Variants in SPAG16 observed in about 807,000 individuals in gnomAD.
SPAG16 encodes sperm-associated antigen 16 protein.
SPAG16 carries 86 observed loss-of-function variants against 80.4 expected under a neutral mutation model. The ratio of observed to expected loss-of-function variants is 1.07; its 90% CI spans 0.90 to 1.28. The LOEUF (loss-of-function observed/expected upper bound fraction) is 1.28, where lower values mean the gene tolerates loss of function less well. SPAG16 is among the 50% of genes most tolerant of loss of function. SPAG16 has a pLI of 0.00. For synonymous variants in SPAG16, 294 were observed against 265.9 expected (o/e 1.11, Z -1.03); for missense variants, 870 against 765.3 (o/e 1.14, Z -1.61).
chr2:213,857,129 C>G (rs2075209425), intron 10 of SPAG16, among the ~76,000 whole-genome samples: 1 of 152,152 alleles, frequency 6.6e-6, no homozygotes. Context: ...ACTCAGGAGG[C>G]TGAAGCTGGA....
chr2:214,100,894 C>G (rs1245522089), intron 13 of SPAG16, among the ~76,000 whole-genome samples: 2 of 151,844 alleles, frequency 1.3e-5, no homozygotes, highest in African/African-American at 4.8e-5. Flanking sequence ...ATTTTAAAAT[C>G]TAGCCTTGGA....
chr2:213,773,908 T>C (rs536435661), intron 10 of SPAG16, among the ~76,000 whole-genome samples: 2 of 152,184 alleles, frequency 1.3e-5, no homozygotes, highest in African/African-American at 4.8e-5. Context: ...TATCTGGTCC[T>C]CAAATAATCC....
chr2:213,285,857 TAAC>T, intron 1 of SPAG16: 1 of 1,285,958 alleles, frequency 7.8e-7, no homozygotes, highest in African/African-American at 1.5e-5. Context: ...TATTCCTCTT[TAAC>T]AACGATTTTC....
At chr2:213,967,927 A>G (rs1054956837) in intron 12 of SPAG16, among the ~76,000 whole-genome samples, 2 of 152,134 alleles carry the variant, frequency 1.3e-5, no homozygotes, top group African/African-American at 4.8e-5. Context: ...CTTTTACGAT[A>G]TCAGTGATTG....
At chr2:214,333,605 T>C (rs559955401) in intron 15 of SPAG16, among the ~76,000 whole-genome samples, 6 of 152,194 alleles carry the variant, frequency 3.9e-5, no homozygotes, top group Non-Finnish European at 5.9e-5. Flanking sequence ...CTCAACACTT[T>C]GATGAATGGA....
intron 15 of SPAG16, among the ~76,000 whole-genome samples, chr2:214,393,718 G>A (rs1307852150): frequency 1.3e-5 from 2 of 151,972 alleles, no homozygotes; most frequent in Non-Finnish European, 2.9e-5. Context: ...CACTCATAAT[G>A]TGAAATTGGA....
chr2:213,982,252 T>A (rs1242488447), intron 12 of SPAG16, among the ~76,000 whole-genome samples: 1 of 152,084 alleles, frequency 6.6e-6, no homozygotes, highest in Non-Finnish European at 1.5e-5. Context: ...GCCCATGTAT[T>A]TGGATACATT....
Position 213,581,701 on chromosome 2 carries a change from C to G in SPAG16, c.1070+91611C>G, listed in dbSNP as rs545514931. Among the ~76,000 whole-genome samples the G allele has an allele frequency of 6.2e-4, 95 of 152,156 alleles. 1 individual carries two copies. Among genetic ancestry groups the G allele is most frequent in the Non-Finnish European group, 1.1e-3 (77 of 67,962 alleles). The stretch of plus-strand genomic sequence containing the variant: ...TGAAGGTAGCTAAAAAGGAGCCTTT[C>G]ACTATTCCTCTTGATTTGGTGATGT... On this transcript the variant is annotated intron_variant, in intron 10 of 15. Coordinates refer to ENST00000331683, the MANE Select transcript of SPAG16 (RefSeq NM_024532.5).
At chr2:213,906,719 A>G (rs190505480) in intron 11 of SPAG16, among the ~76,000 whole-genome samples, 1 of 152,332 alleles carries the variant, frequency 6.6e-6, no homozygotes, top group East Asian at 1.9e-4. Context: ...CCACATATTT[A>G]CAGCCAACTG....
chr2:213,387,296 A>G (rs1301588801), intron 9 of SPAG16, among the ~76,000 whole-genome samples: 2 of 151,696 alleles, frequency 1.3e-5, no homozygotes, highest in Non-Finnish European at 2.9e-5. Flanking sequence ...GGAAAGGTGA[A>G]AAAGCACTAT....
chr2:214,114,654 C>T (rs1231848920), intron 14 of SPAG16, among the ~76,000 whole-genome samples: 1 of 152,194 alleles, frequency 6.6e-6, no homozygotes, highest in African/African-American at 2.4e-5. Context: ...TTGCTAAGAC[C>T]TTCGGAAAAG....
chr2:214,306,582 A>G (rs1428697800), intron 15 of SPAG16, among the ~76,000 whole-genome samples: 2 of 152,166 alleles, frequency 1.3e-5, no homozygotes, highest in African/African-American at 4.8e-5. Context: ...AGTTTTTAGC[A>G]TGGATGGATG....
chr2:213,284,819 G>A, intron 1 of SPAG16, 200 bp downstream of exon 1: 1 of 722,886 alleles, frequency 1.4e-6, no homozygotes, highest in South Asian at 2.0e-5. Context: ...AGTAGCCCAG[G>A]GTGTCCTGTA....
At chr2:214,367,919 T>C (rs1443252619) in intron 15 of SPAG16, among the ~76,000 whole-genome samples, 8 of 152,138 alleles carry the variant, frequency 5.3e-5, no homozygotes, top group Admixed American at 2.0e-4. Flanking sequence ...ATGAACATTT[T>C]TCCCCCAATT....
chr2:213,285,484 T>C (rs1010495616), intron 1 of SPAG16, among the ~76,000 whole-genome samples: 3 of 152,206 alleles, frequency 2.0e-5, no homozygotes, highest in Non-Finnish European at 4.4e-5. Flanking sequence ...TGTTCAGTTC[T>C]TAAAGATACC....
intron 9 of SPAG16, among the ~76,000 whole-genome samples, chr2:213,450,686 A>G (rs1045214274): frequency 6.6e-6 from 1 of 152,150 alleles, no homozygotes; most frequent in Non-Finnish European, 1.5e-5. Flanking sequence ...GATTTTTAGC[A>G]TTATGTGTTT....
At chr2:213,777,812 C>G (rs539088824) in intron 10 of SPAG16, among the ~76,000 whole-genome samples, 33 of 152,274 alleles carry the variant, frequency 2.2e-4, no homozygotes, top group African/African-American at 7.5e-4. Context: ...GCTGGGATTA[C>G]AGACTTGAGC....
chr2:213,402,346 T>C (rs1381430760), intron 9 of SPAG16, among the ~76,000 whole-genome samples: 1 of 152,116 alleles, frequency 6.6e-6, no homozygotes, highest in Non-Finnish European at 1.5e-5. Flanking sequence ...ATCTGCCATA[T>C]TATTTAAACT....
At chr2:213,925,904 A>G (rs10195465) in intron 11 of SPAG16, among the ~76,000 whole-genome samples, 52,239 of 151,634 alleles carry the variant, frequency 0.34, 9,460 homozygotes, top group South Asian at 0.47. Flanking sequence ...TTTTTTTCTT[A>G]TAATTCTTAT....
Sources: gnomAD v4.1 joint callset for allele counts (sites outside exome capture counted in the v4.1 genomes callset) on GRCh38, gnomAD v4.1.1 for gene constraint, MANE v1.5 for transcripts, NCBI Gene and HGNC (gene_info 2026-07-23, HGNC 2026-07-21) for gene names.